The following AHNAK2 variants were observed in gnomAD, a reference collection of about 807,000 sequenced individuals.
AHNAK2 encodes the protein AHNAK nucleoprotein 2.
A neutral mutation model predicts 30.7 loss-of-function variants in AHNAK2; 18 were observed. The ratio of observed to expected loss-of-function variants is 0.59; its 90% CI spans 0.41 to 0.87. AHNAK2 has a LOEUF of 0.87. AHNAK2 is among the 40% of genes least tolerant of loss of function. The probability of loss-of-function intolerance (pLI) is 0.00; values close to 1 mark genes in which losing one functional copy is unlikely to be tolerated. For synonymous variants in AHNAK2, 3,590 were observed against 3,073.8 expected (o/e 1.17, Z -5.56); for missense variants, 8,604 against 7,373.0 (o/e 1.17, Z -6.11).
Position 104,950,588 on chromosome 14 carries a change from C to G in AHNAK2, c.4863G>C (p.Leu1621=), listed in dbSNP as rs376710681. ...EVTAPDVKMS[L]SSMEVDVQAP... ...CCTGGACGTCCACCTCCATGCTGGA[C>G]AGAGACATCTTCACATCGGGGGCTG... The change falls in exon 7 of 7, where the codon CTG becomes CTC. Residue 1621 remains leucine, a synonymous_variant. Coordinates refer to ENST00000333244, the MANE Select transcript of AHNAK2 (RefSeq NM_138420.4). The G allele has an allele frequency of 5.0e-6, 8 of 1,587,110 alleles. No homozygotes were observed. In the African/African-American group the frequency reaches 1.1e-4, roughly 22 times the overall value.
In AHNAK2 at chr14:104,940,287, C is replaced by A; in HGVS notation, c.15164G>T (p.Gly5055Val). ...VDPSLSSATAGGSFQDTEKAS... is the reference protein window; with the variant it reads ...VDPSLSSATAVGSFQDTEKAS... ...CTTTTCTGTGTCTTGAAAGCTACCC[C>A]CTGCTGTGGCACTAGAAAGGGAAGG... Residue 5055 changes from glycine to valine, a missense_variant, in exon 7 of 7, where the codon GGG becomes GTG. Physicochemically the swap from Gly to Val is moderately radical, Grantham distance 109. Transcript: ENST00000333244. This position sits in a 1 kb window ranked among gnomAD's most constrained non-coding sequence, Gnocchi z 4.4. The A allele has an allele frequency of 1.2e-6, 2 of 1,613,744 alleles. No homozygotes were observed. Among genetic ancestry groups the A allele is most frequent in the Non-Finnish European group, 1.7e-6 (2 of 1,179,888 alleles).
chr14:104,952,082 C>T lies in AHNAK2; in HGVS notation c.3369G>A (p.Glu1123=), dbSNP rs369284023. 2 of 1,612,548 alleles carry T rather than the reference C, an allele frequency of 1.2e-6. No individual in the cohort carries two copies. Among genetic ancestry groups the T allele is most frequent in the Non-Finnish European group, 1.7e-6 (2 of 1,179,546 alleles). Residue 1123 remains glutamate, a synonymous_variant, in exon 7 of 7, where the codon GAG becomes GAA. Coordinates refer to ENST00000333244, the MANE Select transcript of AHNAK2 (RefSeq NM_138420.4). ...CCACCTCCACGCTGGGCAGAGACAC[C>T]TCCACATCAGGGGCTGTGACTTCCG... ...PKAEVTAPDV[E]VSLPSVEVDV... is the part of the protein sequence containing the mutation.
intron 1 of AHNAK2, among the ~76,000 whole-genome samples, chr14:104,973,749 C>A (rs1419150284): frequency 6.6e-6 from 1 of 152,198 alleles, no homozygotes; most frequent in Non-Finnish European, 1.5e-5. Context: ...CCTCCCACCA[C>A]CGCCACCCCT....
intron 1 of AHNAK2, chr14:104,970,346 A>G: frequency 2.2e-6 from 2 of 888,958 alleles, no homozygotes; most frequent in Non-Finnish European, 2.7e-6. Flanking sequence ...GGGGATGCCT[A>G]GCCCAGCTCT....
In AHNAK2 at chr14:104,941,019, TC is replaced by T; in HGVS notation, c.14431del (p.Glu4811LysfsTer39). On this transcript the variant is annotated frameshift_variant, in exon 7 of 7. Transcript: ENST00000333244. LOFTEE classifies it low-confidence loss of function (END_TRUNC). ...RAALAPELAL[E>X]IPSGSQADIP... ...ATCAGCCTGAGACCCAGAAGGAATTTCCAGAGCAAGCTCAGGGGCCAAGGCA... is the reference window on the plus strand; with the variant it reads ...ATCAGCCTGAGACCCAGAAGGAATTTCAGAGCAAGCTCAGGGGCCAAGGCA... The T allele has an allele frequency of 1.9e-6, 3 of 1,613,466 alleles. No individual in the cohort carries two copies. Among genetic ancestry groups the T allele is most frequent in the Non-Finnish European group, 2.5e-6 (3 of 1,179,888 alleles).
chr14:104,944,873 A>G lies in AHNAK2; in HGVS notation c.10578T>C (p.Pro3526=), dbSNP rs1555399716. The change falls in exon 7 of 7, where the codon CCT becomes CCC. Residue 3526 remains proline (P), a synonymous_variant. Coordinates refer to ENST00000333244, the MANE Select transcript of AHNAK2 (RefSeq NM_138420.4). ...CAGCCTGGACCTCCAGGTCAGCGGAAGGGGGCTGAATGCTGAGGTCAGTGG... is the reference window on the plus strand; with the variant it reads ...CAGCCTGGACCTCCAGGTCAGCGGAGGGGGGCTGAATGCTGAGGTCAGTGG... ...LKATDLSIQP[P]SADLEVQAVQ... 5 of 1,612,902 alleles carry G rather than the reference A, an allele frequency of 3.1e-6. No individual in the cohort carries two copies. The highest frequency in any genetic ancestry group is 4.2e-6 in the Non-Finnish European group (5 of 1,179,562).
chr14:104,937,560 A>C lies in AHNAK2; in HGVS notation c.*503T>G, dbSNP rs1897841386. 6.5e-6 allele frequency: 1 copy of C among 153,296 alleles called. No individual in the cohort carries two copies. The highest frequency in any genetic ancestry group is 1.5e-5 in the Non-Finnish European group (1 of 68,816). The allele number at this position is 153,296 out of a possible 1,614,324, so 9.5% of individuals were successfully genotyped here. The stretch of plus-strand genomic sequence containing the variant: ...TAGTGAGGCATTCAACAAAGAAGTA[A>C]GCTAAGTGAGTAGGAAACAGTGTTT... On this transcript the variant is annotated 3_prime_UTR_variant, in exon 7 of 7. Coordinates refer to ENST00000333244, the MANE Select transcript of AHNAK2 (RefSeq NM_138420.4).
At position 104,945,781 on chromosome 14, in the gene AHNAK2, C is replaced by A; in HGVS notation, c.9670G>T (p.Gly3224Trp). The change falls in exon 7 of 7, where the codon GGG (glycine) becomes TGG (tryptophan). Residue 3224 changes from glycine (G) to tryptophan (W), a missense_variant. Physicochemically the swap from Gly to Trp is radical, Grantham distance 184. Transcript: ENST00000333244. ...GHVLEGAGLKGHLPKLQMPSF... is the reference protein window; with the variant it reads ...GHVLEGAGLKWHLPKLQMPSF... ...GGCATCTGCAACTTGGGCAGGTGCC[C>A]TTTGAGGCCAGCTCCCTCGAGAACG... is the stretch of plus-strand genomic sequence containing the variant. The A allele has an allele frequency of 6.3e-7, 1 of 1,587,518 alleles. No individual in the cohort carries two copies. The highest frequency in any genetic ancestry group is 1.4e-5 in the African/African-American group (1 of 72,736).
At position 104,947,339 on chromosome 14, in the gene AHNAK2, T is replaced by C. The variant is rs564647751; in HGVS notation, c.8112A>G (p.Gln2704=). 1.2e-6 allele frequency: 2 copies of C among 1,610,188 alleles called. No homozygotes were observed. The highest frequency in any genetic ancestry group is 2.2e-5 in the East Asian group (1 of 44,540). The change falls in exon 7 of 7, where the codon CAA becomes CAG. Residue 2704 remains glutamine (Q), a synonymous_variant. Transcript: ENST00000333244. The stretch of plus-strand genomic sequence containing the variant: ...CCACCTGGCCAGCCTGGACCTCCAG[T>C]TGGGCAGAGGGGGGCTGAATGCTGA... ...TDISIQPPSA[Q]LEVQAGQVDV...
At chr14:104,968,842 T>C (rs573184090) in intron 1 of AHNAK2, among the ~76,000 whole-genome samples, 42 of 152,322 alleles carry the variant, frequency 2.8e-4, no homozygotes, top group African/African-American at 8.7e-4. Flanking sequence ...TGCACTTGTG[T>C]GTCTGGCCTG....
Position 104,943,198 on chromosome 14 carries a change from C to G in AHNAK2, c.12253G>C (p.Ala4085Pro), listed in dbSNP as rs1898075425. The G allele has an allele frequency of 6.2e-7, 1 of 1,613,290 alleles. No homozygotes were observed. Among genetic ancestry groups the G allele is most frequent in the East Asian group, 2.2e-5 (1 of 44,756 alleles). Residue 4085 changes from alanine to proline, a missense_variant, in exon 7 of 7, where the codon GCG (alanine) becomes CCG (proline). Physicochemically the swap from Ala to Pro is conservative, Grantham distance 27. Coordinates refer to ENST00000333244, the MANE Select transcript of AHNAK2 (RefSeq NM_138420.4). ...TTCACATCAGGGGCTGTCACTTCCG[C>G]CTTGGGGCCTTTCAGGTCCAGCTTG... ...GPKLDLKGPK[A>P]EVTAPDVKMS...
chr14:104,978,263 G>C lies in AHNAK2; in HGVS notation c.-26C>G, dbSNP rs1307543771. On this transcript the variant is annotated 5_prime_UTR_variant, in exon 1 of 7. Transcript: ENST00000333244. ...CGCGGCGGCCAGGCGGTGCGGGCCT[G>C]GCGGCCCGTCGCGTCCAGTCGCTGG... 1.2e-5 allele frequency: 14 copies of C among 1,180,690 alleles called. No homozygotes were observed. The highest frequency in any genetic ancestry group is 3.7e-5 in the East Asian group (1 of 26,908). The allele number at this position is 1,180,690 out of a possible 1,614,324, so 73.1% of individuals were successfully genotyped here. A position where few individuals can be genotyped will look rare whatever the true frequency, so the allele number is the denominator to read the frequency against.
Position 104,953,125 on chromosome 14 carries a change from G to A in AHNAK2, c.2326C>T (p.Pro776Ser). ...TTGGGGCCTTTCAGGTCCAGCTTGG[G>A]GCCCTTGAGGTCCACTTTGGGCATC... ...LKMPKVDLKG[P>S]KLDLKGPKAE... The change falls in exon 7 of 7, where the codon CCC (proline) becomes TCC (serine). Residue 776 changes from proline (P) to serine (S), a missense_variant. Physicochemically the swap from Pro to Ser is moderately conservative, Grantham distance 74. Transcript: ENST00000333244. 6.2e-7 allele frequency: 1 copy of A among 1,613,056 alleles called. No homozygotes were observed. The highest frequency in any genetic ancestry group is 8.5e-7 in the Non-Finnish European group (1 of 1,179,650).
rs200747295 is a variant in AHNAK2, at chr14:104,943,471, T to A, written c.11980A>T (p.Thr3994Ser). ...GKSMEASVDV[T>S]APKVEADVSL... ...ACGTCGGCCTCCACCTTTGGCGCGG[T>A]CACATCCACTGATGCCTCCATGGAC... Residue 3994 changes from threonine to serine, a missense_variant, in exon 7 of 7, where the codon ACC becomes TCC. Coordinates refer to ENST00000333244, the MANE Select transcript of AHNAK2 (RefSeq NM_138420.4). 1,681 of 1,609,514 alleles carry A rather than the reference T, an allele frequency of 1.0e-3. 30 individuals are homozygous for A. The highest frequency in any genetic ancestry group is 9.4e-3 in the South Asian group (858 of 90,808).
Position 104,941,969 on chromosome 14 carries a change from C to G in AHNAK2, c.13482G>C (p.Glu4494Asp). 6.2e-7 allele frequency: 1 copy of G among 1,613,446 alleles called. No individual in the cohort carries two copies. Among genetic ancestry groups the G allele is most frequent in the Non-Finnish European group, 8.5e-7 (1 of 1,179,658 alleles). ...VSVDVSAPKM[E>D]ADMSIPSMQG... ...GCATGGAGGGAATGCTCATGTCGGC[C>G]TCCATCTTTGGCGCAGACACATCCA... Residue 4494 changes from glutamate to aspartate, a missense_variant, in exon 7 of 7, where the codon GAG (glutamate) becomes GAC (aspartate). Physicochemically the swap from Glu to Asp is conservative, Grantham distance 45 (BLOSUM62 2). Transcript: ENST00000333244.
intron 4 of AHNAK2, among the ~76,000 whole-genome samples, chr14:104,955,947 C>T (rs1005781343): frequency 6.6e-6 from 1 of 150,600 alleles, no homozygotes; most frequent in Non-Finnish European, 1.5e-5. Context: ...TCCCTGTGGC[C>T]AGTTTCTCTT....
intron 5 of AHNAK2, 32 bp downstream of exon 5, chr14:104,955,451 T>C: frequency 6.3e-7 from 1 of 1,593,362 alleles, no homozygotes; most frequent in South Asian, 1.2e-5. Flanking sequence ...GTGGGGAGAA[T>C]GGTGACCCCA....
At chr14:104,973,028 C>T (rs1436250297) in intron 1 of AHNAK2, among the ~76,000 whole-genome samples, 5 of 152,212 alleles carry the variant, frequency 3.3e-5, no homozygotes, top group Admixed American at 1.3e-4. Flanking sequence ...CACCAGCAGG[C>T]GGGTGCTGGG....
At position 104,975,177 on chromosome 14, in the gene AHNAK2, C is replaced by G. The variant is rs144961078; in HGVS notation, c.55+3006G>C. Among the ~76,000 whole-genome samples the G allele has an allele frequency of 5.5e-3, 841 of 152,352 alleles. 9 individuals are homozygous for G. Among genetic ancestry groups the G allele is most frequent in the African/African-American group, 0.019 (789 of 41,578 alleles). ...AGCCCGGATGGGAGTGGGCACTCAGCTTCCTGGGCATGGAGAAGGCCGGGA... is the reference window on the plus strand; with the variant it reads ...AGCCCGGATGGGAGTGGGCACTCAGGTTCCTGGGCATGGAGAAGGCCGGGA... On this transcript the variant is annotated intron_variant, in intron 1 of 6. Coordinates refer to ENST00000333244, the MANE Select transcript of AHNAK2 (RefSeq NM_138420.4).
Sources: gnomAD v4.1 joint callset for allele counts (sites outside exome capture counted in the v4.1 genomes callset) on GRCh38, gnomAD v4.1.1 for gene constraint, Gnocchi (gnomAD v3.1) non-coding constraint, MANE v1.5 for transcripts, NCBI Gene and HGNC (gene_info 2026-07-23, HGNC 2026-07-21) for gene names.